Variants in ARHGEF4 observed in about 807,000 individuals in gnomAD.
ARHGEF4 encodes Rho guanine nucleotide exchange factor 4.
ARHGEF4 carries 119 observed loss-of-function variants against 162.0 expected under a neutral mutation model. The ratio of observed to expected loss-of-function variants is 0.73; its 90% CI spans 0.63 to 0.86. The LOEUF (loss-of-function observed/expected upper bound fraction) is 0.86. Among genes scored for constraint, ARHGEF4 ranks in the 40% least tolerant of loss-of-function variants. The pLI, the probability that ARHGEF4 is intolerant of heterozygous loss-of-function variation, is 0.00. For missense variants in ARHGEF4, 2,488 were observed against 2,456.0 expected (o/e 1.01, Z -0.28); for synonymous variants, 1,014 against 979.9 (o/e 1.03, Z -0.65).
chr2:130,868,501 T>C (rs899044249), intron 1 of ARHGEF4, among the ~76,000 whole-genome samples: 2 of 152,064 alleles, frequency 1.3e-5, no homozygotes, highest in African/African-American at 4.8e-5. Context: ...AGAGACCAGC[T>C]GCGGTCTGAG....
In ARHGEF4 at chr2:130,915,476, T is replaced by C; in HGVS notation, c.1530T>C (p.Tyr510=). The C allele has an allele frequency of 1.3e-6, 2 of 1,550,488 alleles. No individual in the cohort carries two copies. The highest frequency in any genetic ancestry group is 1.7e-6 in the Non-Finnish European group (2 of 1,146,996). The change falls in exon 2 of 14, where the codon TAT becomes TAC. Residue 510 remains tyrosine (Y), a synonymous_variant. Transcript: ENST00000409359. ...AAACCAGTAATTACACATCAAAGTA[T>C]GTGCTCAGCGAGGAAAGCAAGTCAC... is the stretch of plus-strand genomic sequence containing the variant. ...GNQTSNYTSK[Y]VLSEESKSPT...
At chr2:130,871,355 G>A (rs1208361540) in intron 1 of ARHGEF4, among the ~76,000 whole-genome samples, 2 of 152,028 alleles carry the variant, frequency 1.3e-5, no homozygotes, top group African/African-American at 4.8e-5. Context: ...GGCCAACATG[G>A]TGAAACCTTG....
intron 4 of ARHGEF4, among the ~76,000 whole-genome samples, chr2:130,952,751 C>A (rs1295663984): frequency 6.6e-6 from 1 of 152,140 alleles, no homozygotes. Flanking sequence ...AAATCACAAG[C>A]ATTCCTATAC....
At chr2:130,917,957 G>T (rs538959036) in intron 2 of ARHGEF4, among the ~76,000 whole-genome samples, 10 of 151,782 alleles carry the variant, frequency 6.6e-5, no homozygotes, top group African/African-American at 2.4e-4. Flanking sequence ...GAGTAGATTG[G>T]ATTACAGGCA....
At chr2:131,022,444 C>T (rs2105356088) in intron 4 of ARHGEF4, among the ~76,000 whole-genome samples, 1 of 152,094 alleles carries the variant, frequency 6.6e-6, no homozygotes, top group Admixed American at 6.6e-5. Context: ...TGCTATTGTA[C>T]AACAGTTCAT....
Position 131,046,182 on chromosome 2 carries a change from G to T in ARHGEF4, c.5624G>T (p.Arg1875Leu). 1 of 1,611,270 alleles carries T rather than the reference G, an allele frequency of 6.2e-7. No homozygotes were observed. Among genetic ancestry groups the T allele is most frequent in the Non-Finnish European group, 8.5e-7 (1 of 1,178,834 alleles). The change falls in exon 14 of 14, where the codon CGC (arginine) becomes CTC (leucine). Residue 1875 changes from arginine (R) to leucine (L), a missense_variant. This residue lies in a region of ARHGEF4 where 415 missense variants were observed against 512.4 expected (regional missense o/e 0.81). Coordinates refer to ENST00000409359, the MANE Select transcript of ARHGEF4 (RefSeq NM_001367493.1). ...AGCATCAGCCGGCTGGCACCCTTCC[G>T]CAAGTGAACTGGTCCCTGCCTGACA... ...WHSISRLAPF[R>L]K is the part of the protein sequence containing the mutation.
At chr2:130,895,096 C>T (rs1251610020) in intron 1 of ARHGEF4, among the ~76,000 whole-genome samples, 2 of 152,194 alleles carry the variant, frequency 1.3e-5, no homozygotes, top group Non-Finnish European at 2.9e-5. Context: ...CCTGGTCAGT[C>T]TCCCTCCCTG....
intron 1 of ARHGEF4, among the ~76,000 whole-genome samples, chr2:130,845,064 C>T (rs1680861775): frequency 6.6e-6 from 1 of 151,188 alleles, no homozygotes. Flanking sequence ...CCTCATGATC[C>T]GCCCTCCTCA....
At chr2:130,864,299 T>C (rs1024566230) in intron 1 of ARHGEF4, among the ~76,000 whole-genome samples, 3 of 152,036 alleles carry the variant, frequency 2.0e-5, no homozygotes, top group East Asian at 1.9e-4. Flanking sequence ...CAAAGAACTA[T>C]ATTGCATGAT....
intron 4 of ARHGEF4, among the ~76,000 whole-genome samples, chr2:131,007,542 T>C (rs2105325174): frequency 6.6e-6 from 1 of 152,284 alleles, no homozygotes; most frequent in African/African-American, 2.4e-5. Context: ...AATATATTCA[T>C]CTTGGCAAAT....
intron 1 of ARHGEF4, among the ~76,000 whole-genome samples, chr2:130,846,327 CAA>C (rs935540206): frequency 7.2e-5 from 11 of 152,234 alleles, no homozygotes; most frequent in Non-Finnish European, 1.2e-4. Flanking sequence ...CCCCACAACC[CAA>C]GAGTCACCTC....
chr2:130,901,313 C>T (rs1379191484), intron 1 of ARHGEF4, among the ~76,000 whole-genome samples: 1 of 152,158 alleles, frequency 6.6e-6, no homozygotes, highest in Non-Finnish European at 1.5e-5. Flanking sequence ...GTACTCTGAG[C>T]AGATCACCCT....
In ARHGEF4 at chr2:130,859,131, G is replaced by A. The variant is rs371658314; in HGVS notation, c.39+22139G>A. On this transcript the variant is annotated intron_variant, in intron 1 of 13. Coordinates refer to ENST00000409359, the MANE Select transcript of ARHGEF4 (RefSeq NM_001367493.1). ...ATCCGGGCCAGGCACAGTGGCTCAC[G>A]CCTGTAATCCCAGCACTTTGGGAGG... 9.9e-4 allele frequency among the ~76,000 whole-genome samples: 13 copies of A among 13,090 alleles called. 1 individual carries two copies. The South Asian group carries it at 0.027, about 27-fold the overall frequency. The allele number at this position is 13,090 out of a possible 152,430, so 8.6% of individuals were successfully genotyped here. A position where few individuals can be genotyped will look rare whatever the true frequency, so the allele number is the denominator to read the frequency against.
chr2:130,993,552 A>T (rs1369915643), intron 4 of ARHGEF4, among the ~76,000 whole-genome samples: 1 of 151,908 alleles, frequency 6.6e-6, no homozygotes, highest in Admixed American at 6.6e-5. Flanking sequence ...TTTCAGTAGG[A>T]TTTTTATTTT....
In ARHGEF4 at chr2:131,006,088, G is replaced by A. The variant is rs76273997; in HGVS notation, c.3986-21857G>A. Among the ~76,000 whole-genome samples the A allele has an allele frequency of 7.6e-3, 1,151 of 152,238 alleles. 11 individuals carry two copies. Among genetic ancestry groups the A allele is most frequent in the African/African-American group, 0.026 (1,098 of 41,546 alleles). On this transcript the variant is annotated intron_variant, in intron 4 of 13. Coordinates refer to ENST00000409359, the MANE Select transcript of ARHGEF4 (RefSeq NM_001367493.1). The stretch of plus-strand genomic sequence containing the variant: ...ATTGTGGGGAGGAGACCTGTTCCCC[G>A]CCATTGGTCATCCTTGGAAGATGGT...
intron 4 of ARHGEF4, among the ~76,000 whole-genome samples, chr2:130,966,595 C>G (rs1685019101): frequency 6.6e-6 from 1 of 152,220 alleles, no homozygotes; most frequent in Admixed American, 6.5e-5. Flanking sequence ...GAGCTTCAGG[C>G]CCGGCTGGAT....
chr2:131,021,070 TAGATTC>T (rs2105353271), intron 4 of ARHGEF4, among the ~76,000 whole-genome samples: 1 of 152,318 alleles, frequency 6.6e-6, no homozygotes, highest in African/African-American at 2.4e-5. Context: ...GAGTTCATTG[TAGATTC>T]TGGATATTAG....
At chr2:130,940,837 AAAAAAAAAAAAG>A (rs1396482618) in intron 3 of ARHGEF4, among the ~76,000 whole-genome samples, 17 of 101,712 alleles carry the variant, frequency 1.7e-4, no homozygotes, top group East Asian at 4.8e-4. Flanking sequence ...GTCTCAAAAA[AAAAAAAAAAAAG>A]AAAAAAAAAA....
chr2:130,880,176 G>A (rs1472739078), intron 1 of ARHGEF4, among the ~76,000 whole-genome samples: 1 of 152,172 alleles, frequency 6.6e-6, no homozygotes, highest in African/African-American at 2.4e-5. Flanking sequence ...GGAGATCTGG[G>A]ACTTGGGTCC....
Sources: gnomAD v4.1 joint callset for allele counts (sites outside exome capture counted in the v4.1 genomes callset) on GRCh38, gnomAD v4.1.1 for gene constraint, gnomAD v4.1.1 regional missense constraint, MANE v1.5 for transcripts, NCBI Gene and HGNC (gene_info 2026-07-23, HGNC 2026-07-21) for gene names.